POLR3B: variants seen among roughly 807,000 people sequenced by gnomAD.
POLR3B encodes the protein RNA polymerase III subunit B, also known as DNA-directed RNA polymerase III subunit RPC2.
Under a neutral mutation model 147.4 loss-of-function variants are expected in POLR3B, and 96 were observed. That is an observed-to-expected ratio of 0.65 (90% CI 0.55 to 0.77). POLR3B has a LOEUF of 0.77. Among genes scored for constraint, POLR3B ranks in the 30% least tolerant of loss-of-function variants. The pLI is 0.00. For missense variants in POLR3B, 1,036 were observed against 1,413.5 expected, an observed-to-expected ratio of 0.73 and a Z score of 4.28; for synonymous variants, 461 against 485.9, an observed-to-expected ratio of 0.95 and a Z score of 0.67.
chr12:106,488,322 C>T (rs2038368152), intron 23 of POLR3B, among the ~76,000 whole-genome samples: 1 of 152,200 alleles, frequency 6.6e-6, no homozygotes, highest in South Asian at 2.1e-4. Flanking sequence ...ATCTCTAGAG[C>T]CGTTCATCCT....
intron 11 of POLR3B, 131 bp from the exon 12 acceptor site, chr12:106,410,695 A>G: frequency 2.4e-6 from 2 of 828,560 alleles, no homozygotes; most frequent in Non-Finnish European, 3.9e-6. Flanking sequence ...AGTTGAATTT[A>G]TTTGAATGGA....
intron 12 of POLR3B, among the ~76,000 whole-genome samples, chr12:106,423,494 G>A (rs1382852486): frequency 6.6e-6 from 1 of 152,166 alleles, no homozygotes; most frequent in Non-Finnish European, 1.5e-5. Flanking sequence ...TTTAGTCCAA[G>A]TCCAAAGGTC....
chr12:106,400,545 C>A (rs1472447661), intron 10 of POLR3B, among the ~76,000 whole-genome samples: 1 of 152,168 alleles, frequency 6.6e-6, no homozygotes, highest in East Asian at 1.9e-4. Flanking sequence ...CCACACCACA[C>A]CTATTCCAAA....
chr12:106,429,937 G>A (rs939851072), intron 13 of POLR3B, among the ~76,000 whole-genome samples: 1 of 152,148 alleles, frequency 6.6e-6, no homozygotes, highest in African/African-American at 2.4e-5. Flanking sequence ...TTATCAGTTA[G>A]CTTATGACTT....
intron 22 of POLR3B, among the ~76,000 whole-genome samples, chr12:106,462,581 A>G (rs1173878399): frequency 6.6e-6 from 1 of 152,234 alleles, no homozygotes; most frequent in Admixed American, 6.5e-5. Context: ...ACTCTCTTGG[A>G]TAAATAGAGT....
At chr12:106,425,016 C>G (rs902076601) in intron 12 of POLR3B, among the ~76,000 whole-genome samples, 5 of 151,954 alleles carry the variant, frequency 3.3e-5, no homozygotes, top group African/African-American at 1.2e-4. Context: ...TTCTTAGATT[C>G]TTTTGGATTT....
chr12:106,438,840 CTAAGTT>C (rs1565896879), intron 18 of POLR3B, among the ~76,000 whole-genome samples: 1 of 152,036 alleles, frequency 6.6e-6, no homozygotes, highest in African/African-American at 2.4e-5. Flanking sequence ...TTCAAAAACT[CTAAGTT>C]TATGTGCAGT....
intron 23 of POLR3B, among the ~76,000 whole-genome samples, chr12:106,495,403 C>A (rs944509064): frequency 1.3e-5 from 2 of 151,946 alleles, no homozygotes; most frequent in African/African-American, 4.8e-5. Flanking sequence ...TTTACAAGTT[C>A]AATCAAAGAT....
At chr12:106,408,270 A>G (rs150014075) in intron 11 of POLR3B, among the ~76,000 whole-genome samples, 145 of 152,320 alleles carry the variant, frequency 9.5e-4, no homozygotes, top group African/African-American at 3.4e-3. Flanking sequence ...GTCTGTGTAG[A>G]GGGAAAAACA....
At chr12:106,399,389 T>A (rs1041649499) in intron 10 of POLR3B, among the ~76,000 whole-genome samples, 7 of 152,194 alleles carry the variant, frequency 4.6e-5, no homozygotes, top group African/African-American at 1.7e-4. Flanking sequence ...TGGAACCAAG[T>A]TGGAAAACAC....
chr12:106,398,343 A>C (rs2037010883), intron 10 of POLR3B, among the ~76,000 whole-genome samples: 1 of 152,216 alleles, frequency 6.6e-6, no homozygotes, highest in African/African-American at 2.4e-5. Context: ...GGAAGCTCGA[A>C]CTGGGTGGAG....
chr12:106,468,402 C>A (rs1416459081), intron 23 of POLR3B, among the ~76,000 whole-genome samples: 2 of 152,262 alleles, frequency 1.3e-5, no homozygotes, highest in Non-Finnish European at 2.9e-5. Context: ...AGAATACCAG[C>A]TCCTGGATTT....
intron 18 of POLR3B, among the ~76,000 whole-genome samples, chr12:106,443,448 C>G (rs73186466): frequency 0.077 from 11,704 of 152,078 alleles, 535 homozygotes; most frequent in Middle Eastern, 0.13. Context: ...CCCGGCATTT[C>G]AAGTGCTCAG....
At chr12:106,488,520 A>G (rs2038371635) in intron 23 of POLR3B, among the ~76,000 whole-genome samples, 1 of 152,244 alleles carries the variant, frequency 6.6e-6, no homozygotes, top group South Asian at 2.1e-4. Context: ...CTAGACTTCT[A>G]GGTATTTTCG....
intron 9 of POLR3B, among the ~76,000 whole-genome samples, chr12:106,386,734 C>T (rs1247389209): frequency 1.3e-5 from 2 of 151,966 alleles, no homozygotes; most frequent in African/African-American, 4.8e-5. Context: ...GGTGAAACCC[C>T]GTCTTTACTA....
At chr12:106,382,129 G>A (rs1339394047) in intron 9 of POLR3B, 1 of 152,338 alleles carries the variant, frequency 6.6e-6, no homozygotes, top group African/African-American at 2.4e-5. Flanking sequence ...ATCTCGTCCT[G>A]TGACTAAGAA....
At chr12:106,446,853 C>T (rs1215102211) in intron 19 of POLR3B, among the ~76,000 whole-genome samples, 2 of 152,184 alleles carry the variant, frequency 1.3e-5, no homozygotes, top group African/African-American at 4.8e-5. Context: ...AGCAGCATTT[C>T]TCTGTGGACA....
At chr12:106,403,808 T>G (rs952996584) in intron 10 of POLR3B, among the ~76,000 whole-genome samples, 5 of 77,880 alleles carry the variant, frequency 6.4e-5, no homozygotes, top group East Asian at 4.5e-4. Flanking sequence ...CGGGGACTGT[T>G]GTGGGGTGGG....
chr12:106,391,788 T>C (rs1224696186), intron 9 of POLR3B, among the ~76,000 whole-genome samples: 1 of 152,252 alleles, frequency 6.6e-6, no homozygotes, highest in Non-Finnish European at 1.5e-5. Context: ...CTGAGGATAA[T>C]GTCCTTGATT....
Sources: gnomAD v4.1 joint callset for allele counts (sites outside exome capture counted in the v4.1 genomes callset) on GRCh38, gnomAD v4.1.1 for gene constraint, MANE v1.5 for transcripts, NCBI Gene and HGNC (gene_info 2026-07-23, HGNC 2026-07-21) for gene names.